The following PTPRM variants were observed in gnomAD, a reference collection of about 807,000 sequenced individuals.
PTPRM encodes the protein receptor-type tyrosine-protein phosphatase mu.
PTPRM carries 47 observed loss-of-function variants against 186.7 expected under a neutral mutation model. The observed-to-expected ratio is 0.25, with a 90% CI of 0.20 to 0.32. PTPRM has a LOEUF of 0.32. PTPRM is among the 10% of genes least tolerant of loss of function. PTPRM has a pLI of 1.00. For missense variants in PTPRM, 1,494 were observed against 1,865.0 expected (o/e 0.80, Z 3.66); for synonymous variants, 668 against 674.9 (o/e 0.99, Z 0.16).
chr18:8,372,382 A>G (rs1030957165), intron 24 of PTPRM, among the ~76,000 whole-genome samples: 7 of 151,944 alleles, frequency 4.6e-5, no homozygotes, highest in South Asian at 4.1e-4. Flanking sequence ...CCTCCACTCT[A>G]TATTCTCACT....
chr18:7,682,079 A>C (rs761928829), intron 1 of PTPRM, among the ~76,000 whole-genome samples: 2 of 152,236 alleles, frequency 1.3e-5, no homozygotes, highest in South Asian at 2.1e-4. Flanking sequence ...TTTCCAGAAG[A>C]AGCAGCTGAG....
chr18:7,596,524 ATTG>A (rs764483985), intron 1 of PTPRM, among the ~76,000 whole-genome samples: 78 of 152,296 alleles, frequency 5.1e-4, no homozygotes, highest in Non-Finnish European at 5.9e-4. Context: ...ATTACAGTAT[ATTG>A]TTGTAATTGT....
chr18:7,630,798 C>T (rs1025779793), intron 1 of PTPRM, among the ~76,000 whole-genome samples: 1 of 152,122 alleles, frequency 6.6e-6, no homozygotes, highest in South Asian at 2.1e-4. Context: ...AAAACTAAAG[C>T]TTTGTTTTTC....
intron 1 of PTPRM, among the ~76,000 whole-genome samples, chr18:7,677,494 G>C (rs533019608): frequency 9.9e-5 from 15 of 152,166 alleles, no homozygotes; most frequent in Non-Finnish European, 2.1e-4. Context: ...TTTACAGGGA[G>C]TTGATGAGAC....
At chr18:7,812,110 G>A (rs772218566) in intron 2 of PTPRM, among the ~76,000 whole-genome samples, 3 of 150,614 alleles carry the variant, frequency 2.0e-5, no homozygotes, top group African/African-American at 5.0e-5. Context: ...AATTTGATGC[G>A]TTATTACCAA....
In PTPRM at chr18:7,961,830, TTGAG is replaced by T. The variant is rs201149686; in HGVS notation, c.1132+6422_1132+6425del. ...TTATAACTTCCATTTTTTTAAATGA[TTGAG>T]TGAGTTTTAATATCTGTCTGCGTAG... is the stretch of plus-strand genomic sequence containing the variant. On this transcript the variant is annotated intron_variant, in intron 7 of 32. Coordinates refer to ENST00000580170, the MANE Select transcript of PTPRM (RefSeq NM_001105244.2). Among the ~76,000 whole-genome samples the T allele has an allele frequency of 5.4e-4, 82 of 152,340 alleles. No individual in the cohort carries two copies. The East Asian group carries it at 9.1e-3, about 17-fold the overall frequency.
intron 1 of PTPRM, among the ~76,000 whole-genome samples, chr18:7,575,215 G>T (rs1444518471): frequency 6.6e-6 from 1 of 152,114 alleles, no homozygotes; most frequent in Non-Finnish European, 1.5e-5. Flanking sequence ...GATCCTGAGC[G>T]CTTTGTAGCC....
At chr18:7,981,939 C>T (rs1003312223) in intron 7 of PTPRM, among the ~76,000 whole-genome samples, 12 of 152,132 alleles carry the variant, frequency 7.9e-5, no homozygotes, top group African/African-American at 2.9e-4. Flanking sequence ...ACAGGACATC[C>T]ACCATGAATG....
intron 7 of PTPRM, among the ~76,000 whole-genome samples, chr18:8,015,978 T>C (rs1464799435): frequency 2.6e-5 from 4 of 152,196 alleles, no homozygotes; most frequent in African/African-American, 9.6e-5. Flanking sequence ...TAAAATGTCT[T>C]CTAAGAAGTG....
Position 8,113,580 on chromosome 18 carries a change from A to C in PTPRM, c.1951A>C (p.Asn651His). Reference sequence around the variant, plus strand: ...CTACCCAGTGCCAATTCACTTCCAGAATGCTTCTCTGCTGAACTCACAGTA... The same window carrying C: ...CTACCCAGTGCCAATTCACTTCCAGCATGCTTCTCTGCTGAACTCACAGTA... ...KCYPVPIHFQ[N>H]ASLLNSQYYF... The change falls in exon 12 of 33, where the codon AAT becomes CAT. Residue 651 changes from asparagine to histidine, a missense_variant. Physicochemically the swap from Asn to His is moderately conservative, Grantham distance 68. Transcript: ENST00000580170. The C allele has an allele frequency of 6.2e-7, 1 of 1,614,118 alleles. No individual in the cohort carries two copies. Among genetic ancestry groups the C allele is most frequent in the Non-Finnish European group, 8.5e-7 (1 of 1,179,972 alleles).
chr18:7,654,921 A>T (rs1201898284), intron 1 of PTPRM, among the ~76,000 whole-genome samples: 1 of 152,100 alleles, frequency 6.6e-6, no homozygotes, highest in Non-Finnish European at 1.5e-5. Flanking sequence ...TTAGGATTGC[A>T]TTGGCTATTC....
Position 8,211,638 on chromosome 18 carries a change from C to T in PTPRM, c.2301-32420C>T, listed in dbSNP as rs2094007746. Among the ~76,000 whole-genome samples the T allele has an allele frequency of 2.0e-5, 3 of 151,948 alleles. No homozygotes were observed. The South Asian group carries it at 6.3e-4, about 32-fold the overall frequency. The stretch of plus-strand genomic sequence containing the variant: ...CAGGCTGGTCTCAAACTCCTGACCT[C>T]GTGATCCGCCTGCCTCGCCCTCCCA... On this transcript the variant is annotated intron_variant, in intron 14 of 32. Transcript: ENST00000580170.
At chr18:8,031,789 G>A (rs949983119) in intron 7 of PTPRM, among the ~76,000 whole-genome samples, 1 of 152,176 alleles carries the variant, frequency 6.6e-6, no homozygotes, top group Non-Finnish European at 1.5e-5. Flanking sequence ...AAGCAAATCA[G>A]CAGTCTTTTC....
At chr18:8,235,456 C>CTTTTTTTTTTTTTTT (rs58166609) in intron 14 of PTPRM, among the ~76,000 whole-genome samples, 2 of 102,322 alleles carry the variant, frequency 2.0e-5, no homozygotes, top group Admixed American at 1.0e-4. Context: ...TCTGTGTCTT[C>CTTTTTTTTTTTTTTT]TTTTTTTTTT....
At chr18:7,773,570 G>GTTTTTTTTTTTTTTT (rs10708698) in intron 1 of PTPRM, among the ~76,000 whole-genome samples, 35 of 129,074 alleles carry the variant, frequency 2.7e-4, no homozygotes, top group Non-Finnish European at 4.3e-4. Context: ...TCTTTTCTTT[G>GTTTTTTTTTTTTTTT]TTTTTTTTTT....
chr18:7,978,153 A>G (rs2055082778), intron 7 of PTPRM, among the ~76,000 whole-genome samples: 1 of 152,184 alleles, frequency 6.6e-6, no homozygotes, highest in African/African-American at 2.4e-5. Flanking sequence ...AGTCTGCCCA[A>G]TAGCTCTGGC....
intron 1 of PTPRM, among the ~76,000 whole-genome samples, chr18:7,661,976 G>A (rs913243979): frequency 2.0e-5 from 3 of 152,262 alleles, no homozygotes; most frequent in African/African-American, 7.2e-5. Flanking sequence ...GGAATGCAGT[G>A]GTACAATCAC....
chr18:7,726,786 A>G (rs901460949), intron 1 of PTPRM, among the ~76,000 whole-genome samples: 2 of 152,154 alleles, frequency 1.3e-5, no homozygotes, highest in African/African-American at 4.8e-5. Context: ...TTTGAACTTG[A>G]TACTGCTTTT....
At chr18:7,855,344 T>C (rs1055062960) in intron 2 of PTPRM, among the ~76,000 whole-genome samples, 64 of 152,208 alleles carry the variant, frequency 4.2e-4, no homozygotes, top group African/African-American at 1.5e-3. Context: ...CAGGGGGCCT[T>C]GTGGCTTGGG....
Sources: gnomAD v4.1 joint callset for allele counts (sites outside exome capture counted in the v4.1 genomes callset) on GRCh38, gnomAD v4.1.1 for gene constraint, MANE v1.5 for transcripts, NCBI Gene and HGNC (gene_info 2026-07-23, HGNC 2026-07-21) for gene names.